The following SNX8 variants were observed in gnomAD, a reference collection of about 807,000 sequenced individuals.
SNX8 encodes the protein sorting nexin-8.
SNX8 carries 25 observed loss-of-function variants against 51.6 expected under a neutral mutation model. The ratio of observed to expected loss-of-function variants is 0.48; its 90% CI spans 0.35 to 0.68. The LOEUF is 0.68. Among genes scored for constraint, SNX8 ranks in the 30% least tolerant of loss-of-function variants. The pLI is 0.00. For synonymous variants in SNX8, 324 were observed against 277.0 expected (o/e 1.17, Z -1.68); for missense variants, 695 against 624.0 (o/e 1.11, Z -1.21).
At chr7:2,307,041 G>A (rs888536501) in intron 1 of SNX8, among the ~76,000 whole-genome samples, 1 of 151,908 alleles carries the variant, frequency 6.6e-6, no homozygotes, top group South Asian at 2.1e-4. Context: ...ATGCTTATAG[G>A]GAGCTAAAAA....
chr7:2,317,843 C>T (rs1170111307), upstream of SNX8, among the ~76,000 whole-genome samples: 10 of 151,982 alleles, frequency 6.6e-5, no homozygotes, highest in Admixed American at 3.3e-4. Context: ...TGCAGTGAGC[C>T]GAGATCGAGA....
At chr7:2,303,999 AAAAAAAAATAC>A (rs1214392915) in intron 1 of SNX8, among the ~76,000 whole-genome samples, 1 of 151,148 alleles carries the variant, frequency 6.6e-6, no homozygotes, top group Non-Finnish European at 1.5e-5. Flanking sequence ...AAAACTTAAA[AAAAAAAAATAC>A]AAAAAAATTA....
chr7:2,305,997 C>T (rs1033674610), intron 1 of SNX8, among the ~76,000 whole-genome samples: 14 of 152,142 alleles, frequency 9.2e-5, no homozygotes, highest in African/African-American at 3.4e-4. Flanking sequence ...GCCTTCTTCC[C>T]GCCAGAGGGA....
chr7:2,301,529 A>C (rs1039070345), intron 1 of SNX8, among the ~76,000 whole-genome samples: 7 of 152,236 alleles, frequency 4.6e-5, no homozygotes, highest in Non-Finnish European at 1.0e-4. Flanking sequence ...CACCCAGAGC[A>C]GCAACTTAGA....
At chr7:2,335,736 G>T (rs1778815306) in intron 1 of SNX8, among the ~76,000 whole-genome samples, 1 of 149,016 alleles carries the variant, frequency 6.7e-6, no homozygotes, top group Non-Finnish European at 1.5e-5. Context: ...CTGGGAGGCG[G>T]AGCTTGCGGT....
intron 1 of SNX8, among the ~76,000 whole-genome samples, chr7:2,341,982 G>T (rs148524491): frequency 1.3e-5 from 2 of 149,760 alleles, no homozygotes; most frequent in Non-Finnish European, 3.0e-5. Flanking sequence ...AAAATAGGCC[G>T]GGCCCGGTGG....
At chr7:2,282,083 C>T (rs2115146011) in intron 1 of SNX8, among the ~76,000 whole-genome samples, 1 of 152,304 alleles carries the variant, frequency 6.6e-6, no homozygotes, top group Non-Finnish European at 1.5e-5. Flanking sequence ...GGCCAAGGGC[C>T]TCAGAATTCA....
chr7:2,343,588 T>C (rs1285711442), intron 1 of SNX8, among the ~76,000 whole-genome samples: 1 of 151,984 alleles, frequency 6.6e-6, no homozygotes, highest in South Asian at 2.1e-4. Flanking sequence ...GGCAGGAGAA[T>C]GGCGTAAACC....
At chr7:2,341,378 A>G (rs928192736) in intron 1 of SNX8, among the ~76,000 whole-genome samples, 2 of 151,562 alleles carry the variant, frequency 1.3e-5, no homozygotes. Context: ...AGGTGCCTGT[A>G]ATCCCAGCTA....
chr7:2,318,861 A>C (rs1326943424), upstream of SNX8, among the ~76,000 whole-genome samples: 2 of 144,150 alleles, frequency 1.4e-5, no homozygotes, highest in Admixed American at 6.9e-5. Flanking sequence ...AAAAAAAAAA[A>C]GCCAGGCACA....
At chr7:2,308,837 G>A (rs973514208) in intron 1 of SNX8, among the ~76,000 whole-genome samples, 2 of 144,436 alleles carry the variant, frequency 1.4e-5, no homozygotes, top group Non-Finnish European at 1.5e-5. Context: ...AGGCTGCAGC[G>A]CGGCACCATC....
chr7:2,288,792 G>A (rs1562440482), intron 1 of SNX8, among the ~76,000 whole-genome samples: 1 of 152,152 alleles, frequency 6.6e-6, no homozygotes, highest in Admixed American at 6.5e-5. Flanking sequence ...GGAGTGCAGT[G>A]ATGCAGTCAC....
In SNX8 at chr7:2,255,493, G is replaced by A. The variant is rs113628383; in HGVS notation, c.1285-324C>T. ...ACTGCCAGTACATGCTCTAGCTGCC[G>A]TGCGGGCACTGGCCTCATGGAAGCC... On this transcript the variant is annotated intron_variant, in intron 10 of 10. Coordinates refer to ENST00000222990, the MANE Select transcript of SNX8 (RefSeq NM_013321.4). Among the ~76,000 whole-genome samples, 251 of 152,326 alleles carry A rather than the reference G, an allele frequency of 1.6e-3. 4 individuals are homozygous for A. The highest frequency in any genetic ancestry group is 5.8e-3 in the African/African-American group (242 of 41,580).
At chr7:2,318,223 T>A (rs1416208486), upstream of SNX8, among the ~76,000 whole-genome samples, 1 of 152,116 alleles carries the variant, frequency 6.6e-6, no homozygotes, top group African/African-American at 2.4e-5. Context: ...TCCTACGTAT[T>A]TTTGGTCTCA....
At chr7:2,268,022 G>A (rs1356912014) in intron 5 of SNX8, among the ~76,000 whole-genome samples, 6 of 151,080 alleles carry the variant, frequency 4.0e-5, no homozygotes. Flanking sequence ...TGGGAGGTGA[G>A]GAGCGTCTCT....
At chr7:2,353,269 G>A (rs548583004) in intron 1 of SNX8, among the ~76,000 whole-genome samples, 7 of 151,768 alleles carry the variant, frequency 4.6e-5, no homozygotes, top group African/African-American at 1.7e-4. Flanking sequence ...TTGTAATCCT[G>A]GCACTTTGGG....
At chr7:2,319,369 G>A (rs1218487859), upstream of SNX8, among the ~76,000 whole-genome samples, 1 of 146,526 alleles carries the variant, frequency 6.8e-6, no homozygotes, top group African/African-American at 2.5e-5. Flanking sequence ...ATAAAAAACT[G>A]TAAATTGTGG....
At chr7:2,341,979 G>T (rs970040507) in intron 1 of SNX8, among the ~76,000 whole-genome samples, 6 of 150,226 alleles carry the variant, frequency 4.0e-5, no homozygotes, top group Non-Finnish European at 7.4e-5. Context: ...TTAAAAATAG[G>T]CCGGGCCCGG....
chr7:2,315,766 ACATT>A (rs1178855433), upstream of SNX8, among the ~76,000 whole-genome samples: 22 of 121,764 alleles, frequency 1.8e-4, 1 homozygote, highest in Admixed American at 5.0e-4. Context: ...ACTGCATCCT[ACATT>A]CATTCATTCA....
Sources: gnomAD v4.1 joint callset for allele counts (sites outside exome capture counted in the v4.1 genomes callset) on GRCh38, gnomAD v4.1.1 for gene constraint, MANE v1.5 for transcripts, NCBI Gene and HGNC (gene_info 2026-07-23, HGNC 2026-07-21) for gene names.